INPP5B: variants seen among roughly 807,000 people sequenced by gnomAD.
INPP5B encodes the protein inositol polyphosphate-5-phosphatase B.
A neutral mutation model predicts 118.5 loss-of-function variants in INPP5B; 90 were observed. That is an observed-to-expected ratio of 0.76 (90% CI 0.64 to 0.90). The LOEUF (loss-of-function observed/expected upper bound fraction) is 0.90. Ranked by LOEUF, INPP5B falls within the 40% of genes least tolerant of loss-of-function variation. The pLI is 0.00. For missense variants in INPP5B, 984 were observed against 1,125.6 expected (o/e 0.87, Z 1.80); for synonymous variants, 385 against 418.9 (o/e 0.92, Z 0.99).
chr1:37,931,179 C>T, intron 7 of INPP5B: 1 of 223,604 alleles, frequency 4.5e-6, no homozygotes, highest in Non-Finnish European at 8.9e-6. Flanking sequence ...CCAGAGTAGA[C>T]AGGGCTCCCC....
chr1:37,915,285 C>A (rs1490718267), intron 7 of INPP5B, among the ~76,000 whole-genome samples: 1 of 152,210 alleles, frequency 6.6e-6, no homozygotes, highest in African/African-American at 2.4e-5. Flanking sequence ...GAAGATAACA[C>A]ATTACCTGTA....
At position 37,877,831 on chromosome 1, in the gene INPP5B, C is replaced by G. The variant is rs183789669; in HGVS notation, c.1677+357G>C. ...AAAGATCTCCTAAGACATATTCAGT[C>G]AGGGAAAAAAAGATGTCCTCAGAGC... is the stretch of plus-strand genomic sequence containing the variant. On this transcript the variant is annotated intron_variant, in intron 16 of 23. Transcript: ENST00000373024. Among the ~76,000 whole-genome samples, 3 of 152,072 alleles carry G rather than the reference C, an allele frequency of 2.0e-5. No homozygotes were observed. In the East Asian group the frequency reaches 5.8e-4, roughly 29 times the overall value.
intron 7 of INPP5B, among the ~76,000 whole-genome samples, chr1:37,908,236 C>T (rs1644564625): frequency 6.6e-6 from 1 of 152,174 alleles, no homozygotes; most frequent in Non-Finnish European, 1.5e-5. Context: ...AGGACTCCTT[C>T]AGGAGACCAG....
chr1:37,896,355 G>A (rs1409548506), intron 7 of INPP5B, among the ~76,000 whole-genome samples: 132 of 149,602 alleles, frequency 8.8e-4, no homozygotes, highest in African/African-American at 3.1e-3. Flanking sequence ...CCCTCCGCCC[G>A]GCAGCCGCCC....
chr1:37,926,604 C>T (rs529170980), intron 7 of INPP5B, among the ~76,000 whole-genome samples: 4 of 152,160 alleles, frequency 2.6e-5, no homozygotes, highest in Non-Finnish European at 4.4e-5. Flanking sequence ...TTCTAATCAA[C>T]TTTGGATTAA....
intron 6 of INPP5B, among the ~76,000 whole-genome samples, chr1:37,935,117 C>T (rs1324513577): frequency 6.8e-6 from 1 of 147,714 alleles, no homozygotes; most frequent in Admixed American, 6.7e-5. Flanking sequence ...GGGAGAATGG[C>T]GTGAACCCAG....
rs180967148 is a variant in INPP5B at position 37,899,106 on chromosome 1, G to A, written c.533-7652C>T. On this transcript the variant is annotated intron_variant, in intron 7 of 23. Coordinates refer to ENST00000373024, the MANE Select transcript of INPP5B (RefSeq NM_005540.3). ...TGAGGCAAGAGAATCGCTTGAACCC[G>A]AGAGGCGGAGGTTGCAGTGAGCCGA... Among the ~76,000 whole-genome samples the A allele has an allele frequency of 1.2e-3, 173 of 149,236 alleles. 2 individuals are homozygous for A. Among genetic ancestry groups the A allele is most frequent in the Non-Finnish European group, 1.8e-3 (123 of 67,482 alleles).
At chr1:37,876,552 T>TTAAAAAAA (rs1194597284) in intron 16 of INPP5B, among the ~76,000 whole-genome samples, 1 of 54,592 alleles carries the variant, frequency 1.8e-5, no homozygotes, top group Admixed American at 2.6e-4. Context: ...GCTGTCTCTT[T>TTAAAAAAA]AAAAAAAAAA....
intron 7 of INPP5B, among the ~76,000 whole-genome samples, chr1:37,916,579 G>A (rs977457398): frequency 5.9e-5 from 9 of 151,554 alleles, no homozygotes; most frequent in African/African-American, 2.2e-4. Context: ...ACTACGCCCG[G>A]CTAATTTTGT....
Position 37,931,493 on chromosome 1 carries a change from G to T in INPP5B, c.532+420C>A, listed in dbSNP as rs879180141. ...CCACCCGCCTACCCTCGTCACGCAC[G>T]CCTAAGAAGAACATCACAGAACTTC... On this transcript the variant is annotated intron_variant, in intron 7 of 23. Coordinates refer to ENST00000373024, the MANE Select transcript of INPP5B (RefSeq NM_005540.3). The T allele has an allele frequency of 4.6e-6, 7 of 1,533,982 alleles. 1 individual carries two copies. The South Asian group carries it at 8.4e-5, about 18-fold the overall frequency.
chr1:37,873,401 T>C (rs1186024382), intron 18 of INPP5B: 3 of 524,174 alleles, frequency 5.7e-6, no homozygotes, highest in Non-Finnish European at 1.0e-5. Context: ...ACAAATGCTA[T>C]AAAATTCAAG....
chr1:37,867,028 T>C (rs1230688706), intron 20 of INPP5B, among the ~76,000 whole-genome samples: 1 of 152,116 alleles, frequency 6.6e-6, no homozygotes, highest in African/African-American at 2.4e-5. Context: ...GGTCAGGAGA[T>C]TGAGACCATC....
rs1057196067 is a variant in INPP5B, at chr1:37,946,125, A to ATTACT, written c.57+126_57+127insAGTAA. ...GTCCAGGACTCAGTAAGTACTTAGT[A>ATTACT]AATACTGATTTCCTTCTCCCCTGAT... is the stretch of plus-strand genomic sequence containing the variant. On this transcript the variant is annotated intron_variant, in intron 2 of 23. Transcript: ENST00000373024. The ATTACT allele has an allele frequency of 9.9e-6, 9 of 906,616 alleles. No homozygotes were observed. The Admixed American group carries it at 1.7e-4, about 17-fold the overall frequency. The allele number at this position is 906,616 out of a possible 1,614,324, so 56.2% of individuals were successfully genotyped here. A position where few individuals can be genotyped will look rare whatever the true frequency, so the allele number is the denominator to read the frequency against.
At chr1:37,938,075 A>G (rs570317199) in intron 6 of INPP5B, among the ~76,000 whole-genome samples, 2 of 151,524 alleles carry the variant, frequency 1.3e-5, no homozygotes, top group East Asian at 3.9e-4. Flanking sequence ...GTTCAAGACC[A>G]GCCTGATCAA....
chr1:37,915,190 CAT>C (rs1410798615), intron 7 of INPP5B, among the ~76,000 whole-genome samples: 1 of 152,182 alleles, frequency 6.6e-6, no homozygotes, highest in Non-Finnish European at 1.5e-5. Context: ...CAAGCAGCAA[CAT>C]AGCCTAATAT....
chr1:37,916,393 G>GCTTTTT (rs1644862280), intron 7 of INPP5B, among the ~76,000 whole-genome samples: 1 of 145,588 alleles, frequency 6.9e-6, no homozygotes, highest in Non-Finnish European at 1.5e-5. Context: ...TGCAGTCTGG[G>GCTTTTT]CTTTTTCTTT....
At chr1:37,923,345 T>G (rs1229627511) in intron 7 of INPP5B, among the ~76,000 whole-genome samples, 3 of 151,946 alleles carry the variant, frequency 2.0e-5, no homozygotes, top group African/African-American at 7.3e-5. Context: ...TAAAAGGAAA[T>G]GAAGATAAGT....
rs1276228196 is a variant in INPP5B at position 37,862,387 on chromosome 1, G to A, written c.2670C>T (p.His890=). Residue 890 remains histidine, a synonymous_variant, in exon 24 of 24, where the codon CAC becomes CAT. Coordinates refer to ENST00000373024, the MANE Select transcript of INPP5B (RefSeq NM_005540.3). ...GSLLLRNPAG[H]QKLDMTEKKK... ...TCTTCTCTGTCATATCAAGCTTTTGGTGACCAGCTGGGTTTCGAAGCAATA... is the reference window on the plus strand; with the variant it reads ...TCTTCTCTGTCATATCAAGCTTTTGATGACCAGCTGGGTTTCGAAGCAATA... 1.2e-6 allele frequency: 2 copies of A among 1,613,920 alleles called. No individual in the cohort carries two copies. Among genetic ancestry groups the A allele is most frequent in the South Asian group, 1.1e-5 (1 of 91,074 alleles).
Position 37,907,602 on chromosome 1 carries a change from G to A in INPP5B, c.533-16148C>T, listed in dbSNP as rs547170111. Among the ~76,000 whole-genome samples, 8 of 152,280 alleles carry A rather than the reference G, an allele frequency of 5.3e-5. No homozygotes were observed. The highest frequency in any genetic ancestry group is 3.3e-4 in the Admixed American group (5 of 15,290). On this transcript the variant is annotated intron_variant, in intron 7 of 23. Transcript: ENST00000373024. The surrounding 1 kb of genome is among the most constrained non-coding windows in gnomAD (Gnocchi z 4.3). Reference sequence around the variant, plus strand: ...TTCTAAGTCACTGGATGAGATGTGAGGGTCAGCACAAGGCACAGGTCATAA... The same window carrying A: ...TTCTAAGTCACTGGATGAGATGTGAAGGTCAGCACAAGGCACAGGTCATAA...
Sources: gnomAD v4.1 joint callset for allele counts (sites outside exome capture counted in the v4.1 genomes callset) on GRCh38, gnomAD v4.1.1 for gene constraint, Gnocchi (gnomAD v3.1) non-coding constraint, MANE v1.5 for transcripts, NCBI Gene and HGNC (gene_info 2026-07-23, HGNC 2026-07-21) for gene names.